MAGI2: variants seen among roughly 807,000 people sequenced by gnomAD.
The protein encoded by MAGI2 is membrane-associated guanylate kinase, WW and PDZ domain-containing protein 2.
MAGI2 carries 35 observed loss-of-function variants against 133.3 expected under a neutral mutation model. The ratio of observed to expected loss-of-function variants is 0.26; its 90% CI spans 0.20 to 0.35. The LOEUF (loss-of-function observed/expected upper bound fraction) is 0.35, where lower values mean the gene tolerates loss of function less well. Ranked by LOEUF, MAGI2 falls within the 10% of genes least tolerant of loss-of-function variation. The pLI is 1.00. For missense variants in MAGI2, 1,636 were observed against 1,863.4 expected (o/e 0.88, Z 2.25); for synonymous variants, 729 against 710.6 (o/e 1.03, Z -0.41).
intron 10 of MAGI2, among the ~76,000 whole-genome samples, chr7:78,233,013 C>T (rs770579560): frequency 2.0e-5 from 3 of 152,002 alleles, no homozygotes; most frequent in Non-Finnish European, 2.9e-5. Flanking sequence ...GAGTTAATTG[C>T]GATGAGTCAT....
At chr7:78,306,900 T>C (rs1210258950) in intron 9 of MAGI2, among the ~76,000 whole-genome samples, 2 of 152,164 alleles carry the variant, frequency 1.3e-5, no homozygotes, top group African/African-American at 4.8e-5. Flanking sequence ...ATCAAAGAGT[T>C]TTAAATCCTA....
At position 78,890,917 on chromosome 7, in the gene MAGI2, C is replaced by T. The variant is rs1042809316; in HGVS notation, c.418+116173G>A. Among the ~76,000 whole-genome samples, 20 of 152,026 alleles carry T rather than the reference C, an allele frequency of 1.3e-4. 1 individual carries two copies. Among genetic ancestry groups the T allele is most frequent in the Non-Finnish European group, 1.5e-5 (1 of 67,992 alleles). The stretch of plus-strand genomic sequence containing the variant: ...GAAAATAGAGACACAAAAAACCCTT[C>T]AAAAAATCTATGAATCCAGGACCTG... On this transcript the variant is annotated intron_variant, in intron 2 of 21. Transcript: ENST00000354212.
chr7:79,270,992 C>G (rs187134630), intron 1 of MAGI2, among the ~76,000 whole-genome samples: 24 of 152,106 alleles, frequency 1.6e-4, no homozygotes, highest in African/African-American at 5.3e-4. Flanking sequence ...TTCTAACTCC[C>G]CTATTTCCTT....
intron 6 of MAGI2, among the ~76,000 whole-genome samples, chr7:78,481,743 T>C (rs993477926): frequency 3.3e-5 from 5 of 151,750 alleles, no homozygotes; most frequent in African/African-American, 7.3e-5. Flanking sequence ...CTAACTCTTA[T>C]ACATTTAACA....
At chr7:78,257,796 GAC>G (rs1013233791) in intron 9 of MAGI2, among the ~76,000 whole-genome samples, 21 of 152,216 alleles carry the variant, frequency 1.4e-4, no homozygotes, top group Middle Eastern at 3.4e-3. Context: ...GGGATGAAGA[GAC>G]ATGTTTTCAC....
chr7:78,521,867 A>C (rs995285684), intron 3 of MAGI2, among the ~76,000 whole-genome samples: 1 of 152,146 alleles, frequency 6.6e-6, no homozygotes, highest in African/African-American at 2.4e-5. Context: ...TTAGAGATAT[A>C]GATCTATCTT....
intron 3 of MAGI2, among the ~76,000 whole-genome samples, chr7:78,551,351 GT>G: frequency 6.6e-6 from 1 of 152,218 alleles, no homozygotes; most frequent in East Asian, 1.9e-4. Context: ...GTTTTGCTTT[GT>G]TTTGATTTTT....
chr7:78,591,651 C>A (rs1042074670), intron 3 of MAGI2, among the ~76,000 whole-genome samples: 9 of 152,196 alleles, frequency 5.9e-5, no homozygotes, highest in Non-Finnish European at 1.2e-4. Flanking sequence ...GTAAACCTGT[C>A]CTAATGGAAG....
At chr7:78,970,267 CTTATT>C (rs1562732511) in intron 2 of MAGI2, among the ~76,000 whole-genome samples, 1 of 151,788 alleles carries the variant, frequency 6.6e-6, no homozygotes, top group Non-Finnish European at 1.5e-5. Context: ...AAGCAAGTGA[CTTATT>C]TTATTTTATC....
rs1220441145 is a variant in MAGI2 at position 79,197,063 on chromosome 7, G to A, written c.302-189857C>T. ...CCCAAAGTGCTGGGATTACAGGTGTGAGCCACTGCACCTGGCCCAGAAGTT... is the reference window on the plus strand; with the variant it reads ...CCCAAAGTGCTGGGATTACAGGTGTAAGCCACTGCACCTGGCCCAGAAGTT... On this transcript the variant is annotated intron_variant, in intron 1 of 21. Transcript: ENST00000354212. 2.6e-5 allele frequency among the ~76,000 whole-genome samples: 4 copies of A among 151,846 alleles called. No homozygotes were observed. In the East Asian group the frequency reaches 5.8e-4, roughly 22 times the overall value.
chr7:78,201,173 T>G lies in MAGI2; in HGVS notation c.2068A>C (p.Thr690Pro). 1 of 1,482,248 alleles carries G rather than the reference T, an allele frequency of 6.7e-7. No individual in the cohort carries two copies. The highest frequency in any genetic ancestry group is 9.0e-7 in the Non-Finnish European group (1 of 1,115,008). 91.8% of individuals were successfully genotyped at this position (1,482,248 alleles called of 1,614,324 possible). ...TAATTCCAACTTACAGGCTTTGGAG[T>G]TTTCCATGGAGAAAAGAAACCTGTA... ...HRGGFFSPWK[T>P]PKPIMDRWEN... Residue 690 changes from threonine (T) to proline (P), a missense_variant, in exon 11 of 22, where the codon ACT becomes CCT. Physicochemically the swap from Thr to Pro is conservative, Grantham distance 38. Transcript: ENST00000354212.
intron 1 of MAGI2, among the ~76,000 whole-genome samples, chr7:79,352,213 C>A (rs994874238): frequency 2.0e-5 from 3 of 152,118 alleles, no homozygotes; most frequent in African/African-American, 2.4e-5. Context: ...TCATAAACTC[C>A]TCACAAAGCT....
intron 21 of MAGI2, among the ~76,000 whole-genome samples, chr7:78,050,694 A>G (rs1811917426): frequency 6.6e-6 from 1 of 151,160 alleles, no homozygotes; most frequent in Middle Eastern, 3.2e-3. Flanking sequence ...GGTGGTGATC[A>G]TTCTCTCATG....
rs376613037 is a variant in MAGI2, at chr7:79,434,408, A to T, written c.301+18612T>A. The stretch of plus-strand genomic sequence containing the variant: ...TACTTTTTCACAACAGTTTCAGTGT[A>T]AGGACAAAAATGATAGTAAAAAAAC... On this transcript the variant is annotated intron_variant, in intron 1 of 21. Coordinates refer to ENST00000354212, the MANE Select transcript of MAGI2 (RefSeq NM_012301.4). Among the ~76,000 whole-genome samples the T allele has an allele frequency of 3.0e-4, 46 of 152,330 alleles. No individual in the cohort carries two copies. The Middle Eastern group carries it at 0.01, about 34-fold the overall frequency.
chr7:78,861,704 G>C (rs980521109), intron 2 of MAGI2, among the ~76,000 whole-genome samples: 1 of 152,112 alleles, frequency 6.6e-6, no homozygotes, highest in Non-Finnish European at 1.5e-5. Flanking sequence ...ATTGTTTTAA[G>C]GATGAAATTA....
chr7:78,692,664 A>G (rs918014186), intron 2 of MAGI2, among the ~76,000 whole-genome samples: 5 of 152,172 alleles, frequency 3.3e-5, no homozygotes, highest in African/African-American at 1.2e-4. Context: ...GAAAATCATC[A>G]TGTATTTAAG....
At chr7:78,565,474 T>TAAA (rs59788873) in intron 3 of MAGI2, among the ~76,000 whole-genome samples, 3 of 129,230 alleles carry the variant, frequency 2.3e-5, no homozygotes, top group African/African-American at 2.8e-5. Flanking sequence ...TCTAAAACGC[T>TAAA]AAAAAAAAAA....
intron 6 of MAGI2, among the ~76,000 whole-genome samples, chr7:78,448,956 G>C (rs1312911501): frequency 2.0e-5 from 3 of 151,988 alleles, no homozygotes; most frequent in African/African-American, 7.2e-5. Flanking sequence ...CCATTTAACA[G>C]TGTGGGCGAT....
intron 1 of MAGI2, among the ~76,000 whole-genome samples, chr7:79,074,741 A>AAAGTC (rs1325036045): frequency 1.3e-5 from 2 of 152,230 alleles, no homozygotes. Context: ...ATGTTGTCGG[A>AAAGTC]AAGTCAAACA....
Sources: allele counts gnomAD v4.1 joint callset (sites outside exome capture counted in the v4.1 genomes callset), GRCh38; gene constraint gnomAD v4.1.1; transcripts MANE v1.5; gene names NCBI Gene and HGNC (gene_info 2026-07-23, HGNC 2026-07-21).